ZC3H15: variants seen among roughly 807,000 people sequenced by gnomAD.
The protein encoded by ZC3H15 is zinc finger CCCH domain-containing protein 15.
A neutral mutation model predicts 51.2 loss-of-function variants in ZC3H15; 15 were observed. The observed-to-expected ratio is 0.29, with a 90% CI of 0.20 to 0.45. The LOEUF is 0.45. Among genes scored for constraint, ZC3H15 ranks in the 20% least tolerant of loss-of-function variants. ZC3H15 has a pLI of 1.00. For missense variants in ZC3H15, 381 were observed against 494.7 expected, an observed-to-expected ratio of 0.77 and a Z score of 2.18; for synonymous variants, 144 against 162.8, an observed-to-expected ratio of 0.88 and a Z score of 0.88.
chr2:186,504,218 A>G lies in ZC3H15; in HGVS notation c.717+4A>G. 6.4e-7 allele frequency: 1 copy of G among 1,554,436 alleles called. No homozygotes were observed. Among genetic ancestry groups the G allele is most frequent in the Non-Finnish European group, 8.7e-7 (1 of 1,148,350 alleles). ...AGAAGATCTAATTGAGAGAGAGGTA[A>G]CTGGTATCCTTTTCCTACCATAAAA... On this transcript the variant is annotated splice_donor_region_variant and intron_variant, in intron 6 of 9. Coordinates refer to ENST00000337859, the MANE Select transcript of ZC3H15 (RefSeq NM_018471.3).
At position 186,508,697 on chromosome 2, in the gene ZC3H15, A is replaced by G; in HGVS notation, c.1245A>G (p.Leu415=). 6.2e-7 allele frequency: 1 copy of G among 1,614,058 alleles called. No individual in the cohort carries two copies. Among genetic ancestry groups the G allele is most frequent in the Non-Finnish European group, 8.5e-7 (1 of 1,179,962 alleles). Residue 415 remains leucine (L), a synonymous_variant, in exon 10 of 10, where the codon CTA becomes CTG. Coordinates refer to ENST00000337859, the MANE Select transcript of ZC3H15 (RefSeq NM_018471.3). ...NLFTGEDLDE[L]EEELNTLDLE... ...TCACTGGAGAGGATTTGGATGAACT[A>G]GAAGAAGAATTAAATACACTTGATT...
intron 1 of ZC3H15, among the ~76,000 whole-genome samples, chr2:186,488,075 AC>A (rs1187068408): frequency 6.6e-6 from 1 of 152,140 alleles, no homozygotes; most frequent in African/African-American, 2.4e-5. Context: ...AAATAAGACA[AC>A]TGCACTTTTT....
chr2:186,490,125 T>C (rs1237415582), intron 1 of ZC3H15, among the ~76,000 whole-genome samples: 2 of 152,206 alleles, frequency 1.3e-5, no homozygotes, highest in Non-Finnish European at 2.9e-5. Context: ...ATTTGCCTCT[T>C]CAAATGCCCC....
chr2:186,508,645 A>G lies in ZC3H15; in HGVS notation c.1193A>G (p.Asp398Gly), dbSNP rs1685505275. ...GAGGGAACGGAAAATGGAGCCATTG[A>G]TGCTGTTCCTGTTGATGAAAATCTT... The part of the protein sequence containing the change: ...EREGTENGAI[D>G]AVPVDENLFT... The change falls in exon 10 of 10, where the codon GAT becomes GGT. Residue 398 changes from aspartate to glycine, a missense_variant. By Grantham distance (94) the Asp-to-Gly change is moderately conservative. This residue lies in a region of ZC3H15 where 215 missense variants were observed against 241.8 expected (regional missense o/e 0.89). Coordinates refer to ENST00000337859, the MANE Select transcript of ZC3H15 (RefSeq NM_018471.3). 4 of 1,614,016 alleles carry G rather than the reference A, an allele frequency of 2.5e-6. No individual in the cohort carries two copies. The highest frequency in any genetic ancestry group is 3.3e-5 in the Admixed American group (2 of 59,984).
chr2:186,491,595 T>C (rs1034251586), intron 1 of ZC3H15, among the ~76,000 whole-genome samples: 1 of 152,082 alleles, frequency 6.6e-6, no homozygotes, highest in Non-Finnish European at 1.5e-5. Flanking sequence ...AATAAGAAAC[T>C]GTGGCAAAGA....
intron 1 of ZC3H15, 37 bp from the exon 2 acceptor site, chr2:186,495,195 TA>T: frequency 7.8e-7 from 1 of 1,275,766 alleles, no homozygotes; most frequent in South Asian, 1.6e-5. Context: ...TATGGTAACA[TA>T]AATTGCTAAG....
intron 3 of ZC3H15, 133 bp from the exon 4 acceptor site, chr2:186,501,140 C>G (rs1574425630): frequency 3.7e-6 from 3 of 812,846 alleles, no homozygotes; most frequent in African/African-American, 3.4e-5. Context: ...TTGCTAATCA[C>G]CCATAAGTGC....
intron 1 of ZC3H15, among the ~76,000 whole-genome samples, chr2:186,492,701 T>A (rs1685219638): frequency 6.6e-6 from 1 of 152,236 alleles, no homozygotes; most frequent in Non-Finnish European, 1.5e-5. Flanking sequence ...TGTTTTTAAA[T>A]ACTAATTGTT....
At chr2:186,497,145 C>T (rs1685295645) in intron 2 of ZC3H15, 1 of 442,242 alleles carries the variant, frequency 2.3e-6, no homozygotes, top group South Asian at 1.6e-5. Flanking sequence ...ATTTTTCCAC[C>T]ATTTTTATCT....
intron 2 of ZC3H15, among the ~76,000 whole-genome samples, chr2:186,497,456 G>A (rs1484918355): frequency 6.6e-6 from 1 of 152,172 alleles, no homozygotes; most frequent in Non-Finnish European, 1.5e-5. Context: ...GGCCGGGGCG[G>A]GCAGATCAGC....
intron 1 of ZC3H15, 73 bp from the exon 2 acceptor site, chr2:186,495,160 T>C: frequency 1.2e-6 from 1 of 833,272 alleles, no homozygotes; most frequent in Non-Finnish European, 1.8e-6. Flanking sequence ...AAAATAATGA[T>C]TTTTAGATAT....
At chr2:186,490,219 T>G (rs1423242747) in intron 1 of ZC3H15, among the ~76,000 whole-genome samples, 2 of 152,216 alleles carry the variant, frequency 1.3e-5, no homozygotes, top group African/African-American at 4.8e-5. Flanking sequence ...AATTAACACA[T>G]TAGTCTGAAA....
At chr2:186,501,141 C>A in intron 3 of ZC3H15, 132 bp from the exon 4 acceptor site, 4 of 820,700 alleles carry the variant, frequency 4.9e-6, no homozygotes, top group South Asian at 5.7e-5. Flanking sequence ...TGCTAATCAC[C>A]CATAAGTGCC....
intron 8 of ZC3H15, among the ~76,000 whole-genome samples, chr2:186,506,477 G>A (rs1380453486): frequency 6.6e-6 from 1 of 151,890 alleles, no homozygotes; most frequent in Non-Finnish European, 1.5e-5. Context: ...GTTTTTTATA[G>A]AGACAAGGTC....
At chr2:186,491,832 C>T (rs921530820) in intron 1 of ZC3H15, among the ~76,000 whole-genome samples, 2 of 151,958 alleles carry the variant, frequency 1.3e-5, no homozygotes, top group African/African-American at 2.4e-5. Context: ...AAATAAGTGT[C>T]CCCTTTCTCT....
chr2:186,493,821 G>T (rs1333972859), intron 1 of ZC3H15, among the ~76,000 whole-genome samples: 1 of 150,124 alleles, frequency 6.7e-6, no homozygotes, highest in Non-Finnish European at 1.5e-5. Flanking sequence ...TTCACTTTGT[G>T]CCTGTGTGGT....
At chr2:186,502,727 A>C (rs1685406551) in intron 5 of ZC3H15, 140 bp downstream of exon 5, 2 of 629,270 alleles carry the variant, frequency 3.2e-6, no homozygotes, top group Admixed American at 7.0e-5. Context: ...AGGTACACGA[A>C]GCTTTATTTT....
chr2:186,494,714 G>A (rs766690133), intron 1 of ZC3H15, among the ~76,000 whole-genome samples: 5 of 151,924 alleles, frequency 3.3e-5, no homozygotes, highest in Admixed American at 2.0e-4. Context: ...GCAAACTATC[G>A]CAAGGACAAA....
At chr2:186,496,493 T>C (rs768056388) in intron 2 of ZC3H15, among the ~76,000 whole-genome samples, 1 of 152,252 alleles carries the variant, frequency 6.6e-6, no homozygotes, top group Admixed American at 6.5e-5. Context: ...TGAGCCACCA[T>C]GCCCAGACTA....
Sources: allele counts gnomAD v4.1 joint callset (sites outside exome capture counted in the v4.1 genomes callset), GRCh38; gene constraint gnomAD v4.1.1; regional missense constraint gnomAD v4.1.1; transcripts MANE v1.5; gene names NCBI Gene and HGNC (gene_info 2026-07-23, HGNC 2026-07-21).